Variants in GRHL1 observed in about 807,000 individuals in gnomAD.
GRHL1 encodes grainyhead-like protein 1 homolog.
Under a neutral mutation model 75.7 loss-of-function variants are expected in GRHL1, and 38 were observed. That is an observed-to-expected ratio of 0.50 (90% CI 0.39 to 0.66). The LOEUF is 0.66. Ranked by LOEUF, GRHL1 falls within the 30% of genes least tolerant of loss-of-function variation. GRHL1 has a pLI of 0.00. For missense variants in GRHL1, 589 were observed against 767.5 expected, an observed-to-expected ratio of 0.77 and a Z score of 2.75; for synonymous variants, 266 against 279.4, an observed-to-expected ratio of 0.95 and a Z score of 0.48.
intron 14 of GRHL1, among the ~76,000 whole-genome samples, chr2:9,997,653 C>G (rs1008879468): frequency 2.0e-5 from 3 of 151,874 alleles, no homozygotes; most frequent in African/African-American, 7.3e-5. Flanking sequence ...GAAACCCTGT[C>G]TCTACTAAAA....
chr2:9,993,037 G>A (rs1338566749), intron 11 of GRHL1, among the ~76,000 whole-genome samples, 170 bp from the exon 12 acceptor site: 18 of 152,184 alleles, frequency 1.2e-4, no homozygotes, highest in Non-Finnish European at 1.8e-4. Flanking sequence ...CCCAACCACT[G>A]AGTTAAAGGA....
In GRHL1 at chr2:9,961,372, C is replaced by T. The variant is rs1308936997; in HGVS notation, c.605C>T (p.Pro202Leu). 11 of 1,614,006 alleles carry T rather than the reference C, an allele frequency of 6.8e-6. No individual in the cohort carries two copies. The Middle Eastern group carries it at 1.2e-3, about 169-fold the overall frequency. Reference protein sequence around the residue: ...TDQFSSGAQAPNAQRRTPDST... With the variant: ...TDQFSSGAQALNAQRRTPDST... ...CAGTTCAGCTCTGGTGCTCAAGCCC[C>T]AAATGCTCAAAGGCGAACTCCAGAC... is the stretch of plus-strand genomic sequence containing the variant. Residue 202 changes from proline to leucine, a missense_variant, in exon 4 of 16, where the codon CCA (proline) becomes CTA (leucine). Coordinates refer to ENST00000324907, the MANE Select transcript of GRHL1 (RefSeq NM_198182.3).
chr2:10,001,193 G>C lies in GRHL1; in HGVS notation c.*486G>C, dbSNP rs1669254796. On this transcript the variant is annotated 3_prime_UTR_variant, in exon 16 of 16. Transcript: ENST00000324907. ...AGCGGGAGCGCACCTGAAGAGTACG[G>C]GGGGAGCCCTCTCTCCCTTACCCTC... The C allele has an allele frequency of 1.3e-5, 2 of 152,686 alleles. No homozygotes were observed. The highest frequency in any genetic ancestry group is 4.8e-5 in the African/African-American group (2 of 41,428). 9.5% of individuals were successfully genotyped at this position (152,686 alleles called of 1,614,324 possible). A position where few individuals can be genotyped will look rare whatever the true frequency, so the allele number is the denominator to read the frequency against.
intron 12 of GRHL1, among the ~76,000 whole-genome samples, chr2:9,995,515 C>T (rs2125245744): frequency 6.6e-6 from 1 of 151,266 alleles, no homozygotes; most frequent in African/African-American, 2.4e-5. Context: ...GCGGTTGAGG[C>T]TGCAGTGAGC....
At position 9,998,675 on chromosome 2, in the gene GRHL1, T is replaced by C. The variant is rs576015863; in HGVS notation, c.1678-290T>C. Among the ~76,000 whole-genome samples the C allele has an allele frequency of 3.3e-4, 24 of 72,170 alleles. 5 individuals carry two copies. The highest frequency in any genetic ancestry group is 1.6e-3 in the South Asian group (4 of 2,474). 47.3% of individuals were successfully genotyped at this position (72,170 alleles called of 152,430 possible). A position where few individuals can be genotyped will look rare whatever the true frequency, so the allele number is the denominator to read the frequency against. On this transcript the variant is annotated intron_variant, in intron 14 of 15. Transcript: ENST00000324907. ...ACATATACATATATATGTACACATA[T>C]ATATACATATATATGTACACACATA...
intron 1 of GRHL1, among the ~76,000 whole-genome samples, chr2:9,954,036 T>C (rs993250362): frequency 1.3e-5 from 2 of 152,248 alleles, no homozygotes; most frequent in Non-Finnish European, 2.9e-5. Flanking sequence ...TAATGTTTGC[T>C]TTAATCTTTT....
intron 3 of GRHL1, chr2:9,959,760 C>A (rs1056932507): frequency 1.3e-5 from 2 of 152,204 alleles, no homozygotes. Context: ...GAGATTAATT[C>A]ATGTTTTTAT....
intron 3 of GRHL1, chr2:9,959,133 A>G: frequency 4.3e-6 from 1 of 230,086 alleles, no homozygotes; most frequent in Non-Finnish European, 8.4e-6. Context: ...GTATTTGCTT[A>G]TTTGTTTTTG....
At chr2:9,954,689 G>A (rs1037607553) in intron 1 of GRHL1, among the ~76,000 whole-genome samples, 6 of 152,160 alleles carry the variant, frequency 3.9e-5, no homozygotes, top group African/African-American at 1.4e-4. Context: ...GGTTCCACGT[G>A]TAGGTGAACT....
chr2:9,996,273 TCC>T, intron 13 of GRHL1, 41 bp from the exon 14 acceptor site: 1 of 1,382,534 alleles, frequency 7.2e-7, no homozygotes, highest in African/African-American at 1.4e-5. Flanking sequence ...ATCCTTTTTT[TCC>T]TCTCTTTTCC....
At chr2:9,964,376 C>A in intron 7 of GRHL1, 30 bp downstream of exon 7, 2 of 1,146,306 alleles carry the variant, frequency 1.7e-6, no homozygotes, top group Non-Finnish European at 2.6e-6. Flanking sequence ...GCTTTTATTC[C>A]CAGAGGTGCA....
At position 9,987,753 on chromosome 2, in the gene GRHL1, A is replaced by C. The variant is rs114462066; in HGVS notation, c.1269+1471A>C. Among the ~76,000 whole-genome samples, 4,003 of 152,170 alleles carry C rather than the reference A, an allele frequency of 0.026. 177 individuals carry two copies. The highest frequency in any genetic ancestry group is 0.091 in the African/African-American group (3,765 of 41,488). On this transcript the variant is annotated intron_variant, in intron 9 of 15. Coordinates refer to ENST00000324907, the MANE Select transcript of GRHL1 (RefSeq NM_198182.3). This position sits in a 1 kb window ranked among gnomAD's most constrained non-coding sequence, Gnocchi z 4.2. ...CAGGGAGAGTCTGGAAGGTGCGTCG[A>C]GTCTTGAGGGGAAAGTTTGTGCTGG...
At chr2:9,976,978 T>C (rs978115742) in intron 8 of GRHL1, among the ~76,000 whole-genome samples, 1 of 152,266 alleles carries the variant, frequency 6.6e-6, no homozygotes, top group Non-Finnish European at 1.5e-5. Flanking sequence ...AATACATTAT[T>C]AAGATTCTGA....
chr2:9,966,401 C>T (rs1219164252), intron 8 of GRHL1: 2 of 132,436 alleles, frequency 1.5e-5, no homozygotes, highest in African/African-American at 3.2e-5. Context: ...CTGTCCCCCC[C>T]AAAAAAAAGA....
chr2:9,967,353 CTTTG>C (rs1479124963), intron 8 of GRHL1, among the ~76,000 whole-genome samples: 2 of 152,200 alleles, frequency 1.3e-5, no homozygotes, highest in Admixed American at 6.5e-5. Context: ...GGGCAGGGCG[CTTTG>C]TTTGTTTGAT....
At chr2:9,958,730 G>C (rs1177124909) in intron 2 of GRHL1, 56 bp from the exon 3 acceptor site, 1 of 1,322,778 alleles carries the variant, frequency 7.6e-7, no homozygotes, top group Non-Finnish European at 1.1e-6. Flanking sequence ...GTATCTTTGG[G>C]TAAACTGCAC....
In GRHL1 at chr2:9,990,581, G is replaced by A; in HGVS notation, c.1270-115G>A. 5.8e-6 allele frequency: 3 copies of A among 519,758 alleles called. No homozygotes were observed. In the African/African-American group the frequency reaches 5.8e-5, roughly 10 times the overall value. The allele number at this position is 519,758 out of a possible 1,614,324, so 32.2% of individuals were successfully genotyped here. On this transcript the variant is annotated intron_variant, in intron 9 of 15. Coordinates refer to ENST00000324907, the MANE Select transcript of GRHL1 (RefSeq NM_198182.3). This position sits in a 1 kb window ranked among gnomAD's most constrained non-coding sequence, Gnocchi z 4.2. The stretch of plus-strand genomic sequence containing the variant: ...GCCTCATGAATATAGTAAGTAATGG[G>A]GTTCCTGTCCAGAGAAGGGAGAAAG...
intron 14 of GRHL1, among the ~76,000 whole-genome samples, chr2:9,998,070 C>T (rs867502262): frequency 6.6e-5 from 10 of 152,080 alleles, no homozygotes; most frequent in African/African-American, 1.9e-4. Flanking sequence ...GGAAGGTTGG[C>T]AGGATCTGCA....
chr2:9,961,217 A>C lies in GRHL1; in HGVS notation c.450A>C (p.Ala150=), dbSNP rs774608719. 1.9e-6 allele frequency: 3 copies of C among 1,614,132 alleles called. No homozygotes were observed. Among genetic ancestry groups the C allele is most frequent in the South Asian group, 2.2e-5 (2 of 91,086 alleles). ...APDTTVTVSI[A]TMPTHSIKTE... is the part of the protein sequence containing the mutation. ...ATACGACAGTCACTGTCTCCATAGC[A>C]ACGATGCCTACCCACTCCATCAAGA... is the stretch of plus-strand genomic sequence containing the variant. The change falls in exon 4 of 16, where the codon GCA becomes GCC. Residue 150 remains alanine (A), a synonymous_variant. Coordinates refer to ENST00000324907, the MANE Select transcript of GRHL1 (RefSeq NM_198182.3).
Sources: allele counts gnomAD v4.1 joint callset (sites outside exome capture counted in the v4.1 genomes callset), GRCh38; gene constraint gnomAD v4.1.1; non-coding constraint Gnocchi (gnomAD v3.1); transcripts MANE v1.5; gene names NCBI Gene and HGNC (gene_info 2026-07-23, HGNC 2026-07-21).